The following RC3H2 variants were observed in gnomAD, a reference collection of about 807,000 sequenced individuals.
RC3H2 encodes ring finger and CCCH-type domains 2.
In RC3H2, 31 loss-of-function variants were observed where a neutral mutation model predicts 133.3. The ratio of observed to expected loss-of-function variants is 0.23; its 90% CI spans 0.17 to 0.31. RC3H2 has a LOEUF of 0.31. RC3H2 is among the 10% of genes least tolerant of loss of function. The pLI, the probability that RC3H2 is intolerant of heterozygous loss-of-function variation, is 1.00. For missense variants in RC3H2, 1,175 were observed against 1,437.2 expected (o/e 0.82, Z 2.95); for synonymous variants, 517 against 502.2 (o/e 1.03, Z -0.40).
chr9:122,876,778 T>C (rs985448857), intron 9 of RC3H2, among the ~76,000 whole-genome samples: 5 of 152,062 alleles, frequency 3.3e-5, no homozygotes, highest in Admixed American at 2.6e-4. Flanking sequence ...CATTAACTTT[T>C]AGGTCTCGGG....
chr9:122,894,224 A>G (rs993565261), intron 2 of RC3H2, among the ~76,000 whole-genome samples: 9 of 151,558 alleles, frequency 5.9e-5, no homozygotes, highest in Non-Finnish European at 2.9e-5. Flanking sequence ...GCGCCACTGC[A>G]CTCCAGCCTG....
chr9:122,893,041 A>AT lies in RC3H2; in HGVS notation c.232-16_232-15insA. On this transcript the variant is annotated splice_polypyrimidine_tract_variant and intron_variant, in intron 2 of 20. Transcript: ENST00000357244. ...TGATCTGGTACCTTAAAAAAAAAAA[A>AT]AAAGGAATATTGCAGAAATACATTC... 3 of 1,596,878 alleles carry AT rather than the reference A, an allele frequency of 1.9e-6. No individual in the cohort carries two copies. Among genetic ancestry groups the AT allele is most frequent in the Non-Finnish European group, 1.7e-6 (2 of 1,176,264 alleles).
At chr9:122,899,120 A>C in intron 1 of RC3H2, among the ~76,000 whole-genome samples, 1 of 96,168 alleles carries the variant, frequency 1.0e-5, no homozygotes, top group African/African-American at 4.5e-5. Context: ...TTTTTTTTTC[A>C]GAGACAGAGT....
At chr9:122,883,893 C>T (rs776523802) in intron 4 of RC3H2, among the ~76,000 whole-genome samples, 22 of 152,056 alleles carry the variant, frequency 1.4e-4, no homozygotes, top group Non-Finnish European at 2.2e-4. Flanking sequence ...ACTTTGGAGG[C>T]GGAAGTGGAG....
At chr9:122,853,066 TG>T (rs932979181) in intron 18 of RC3H2, among the ~76,000 whole-genome samples, 5 of 152,174 alleles carry the variant, frequency 3.3e-5, no homozygotes, top group Admixed American at 3.3e-4. Flanking sequence ...GGGATCCTGT[TG>T]ATCTGTGACC....
At chr9:122,868,839 ATGTGTGTGTGTG>A (rs36205979) in intron 9 of RC3H2, among the ~76,000 whole-genome samples, 2,591 of 118,840 alleles carry the variant, frequency 0.022, 74 homozygotes, top group Admixed American at 0.051. Flanking sequence ...TCCCTCCTAT[ATGTGTGTGTGTG>A]TGTGTGTGTG....
rs980207517 is a variant in RC3H2 at position 122,845,641 on chromosome 9, T to C, written c.*3986A>G. ...AAATGTGGGGTGTTTTGATCTGTGG[T>C]CTTGACGCCTTGTATTCCCTTGCCA... On this transcript the variant is annotated 3_prime_UTR_variant, in exon 21 of 21. Transcript: ENST00000357244. 1 of 152,174 alleles carries C rather than the reference T, an allele frequency of 6.6e-6. No homozygotes were observed. The highest frequency in any genetic ancestry group is 1.5e-5 in the Non-Finnish European group (1 of 68,024). 9.4% of individuals were successfully genotyped at this position (152,174 alleles called of 1,614,324 possible).
chr9:122,888,109 G>A (rs1021908341), intron 4 of RC3H2, among the ~76,000 whole-genome samples: 1 of 151,936 alleles, frequency 6.6e-6, no homozygotes, highest in African/African-American at 2.4e-5. Flanking sequence ...TTATTTGCTT[G>A]CTTGTTTTAT....
rs78781772 is a variant in RC3H2 at position 122,893,044 on chromosome 9, A to C, written c.232-18T>G. The C allele has an allele frequency of 8.3e-6, 13 of 1,560,310 alleles. No individual in the cohort carries two copies. The highest frequency in any genetic ancestry group is 1.1e-5 in the Non-Finnish European group (13 of 1,147,366). ...TCTGGTACCTTAAAAAAAAAAAAAA[A>C]GGAATATTGCAGAAATACATTCATC... On this transcript the variant is annotated intron_variant, in intron 2 of 20. Transcript: ENST00000357244.
intron 15 of RC3H2, 46 bp from the exon 16 acceptor site, chr9:122,854,661 A>G (rs1830174666): frequency 4.0e-6 from 5 of 1,252,046 alleles, no homozygotes; most frequent in African/African-American, 1.5e-5. Context: ...GTGAAAAATC[A>G]GTGTACTGAG....
intron 11 of RC3H2, 53 bp from the exon 12 acceptor site, chr9:122,859,155 T>C: frequency 7.2e-7 from 1 of 1,381,004 alleles, no homozygotes; most frequent in South Asian, 1.5e-5. Flanking sequence ...AATCCAACAT[T>C]TTATAATGGC....
In RC3H2 at chr9:122,860,027, C is replaced by A. The variant is rs1319568970; in HGVS notation, c.1739G>T (p.Ser580Ile). Residue 580 changes from serine to isoleucine, a missense_variant, in exon 11 of 21, where the codon AGC becomes ATC. Physicochemically the swap from Ser to Ile is moderately radical, Grantham distance 142. Transcript: ENST00000357244. ...TACTGGTACTCTAGTTAGAAATGGG[C>A]TGGATTTTTGAGGCACAGAATTCAG... Reference protein sequence around the residue: ...TELNSVPQKSSPFLTRVPVYP... With the variant: ...TELNSVPQKSIPFLTRVPVYP... 1 of 1,614,026 alleles carries A rather than the reference C, an allele frequency of 6.2e-7. No homozygotes were observed. Among genetic ancestry groups the A allele is most frequent in the Non-Finnish European group, 8.5e-7 (1 of 1,179,990 alleles).
intron 8 of RC3H2, among the ~76,000 whole-genome samples, chr9:122,878,071 A>G (rs868369833): frequency 2.6e-5 from 4 of 152,190 alleles, no homozygotes; most frequent in African/African-American, 9.7e-5. Flanking sequence ...GAGTTCATAC[A>G]ATGAGGCAGA....
chr9:122,865,524 CTGT>C lies in RC3H2; in HGVS notation c.1456_1458del (p.Thr486del), dbSNP rs1297481974. The C allele has an allele frequency of 1.2e-6, 2 of 1,614,146 alleles. No individual in the cohort carries two copies. Among genetic ancestry groups the C allele is most frequent in the Admixed American group, 3.3e-5 (2 of 60,024 alleles). ...CCGTTTGTACTTGGAACAATTTTCC[CTGT>C]TGTTTCAGTACTTCCTATGACAGAA... On this transcript the variant is annotated inframe_deletion, in exon 10 of 21. Coordinates refer to ENST00000357244, the MANE Select transcript of RC3H2 (RefSeq NM_001100588.3).
intron 4 of RC3H2, among the ~76,000 whole-genome samples, chr9:122,888,484 T>G (rs918616183): frequency 1.3e-5 from 2 of 152,168 alleles, no homozygotes; most frequent in African/African-American, 2.4e-5. Context: ...CTGGTATTAG[T>G]CTTCTATTTT....
Position 122,846,981 on chromosome 9 carries a change from A to G in RC3H2, c.*2646T>C, listed in dbSNP as rs1211077105. The G allele has an allele frequency of 3.3e-5, 5 of 152,202 alleles. No individual in the cohort carries two copies. The highest frequency in any genetic ancestry group is 7.4e-5 in the Non-Finnish European group (5 of 67,998). 9.4% of individuals were successfully genotyped at this position (152,202 alleles called of 1,614,324 possible). On this transcript the variant is annotated 3_prime_UTR_variant, in exon 21 of 21. Transcript: ENST00000357244. ...ACTACATAGAGAATGGATGCAACAC[A>G]GAATAATCTCAACACAGAAACAATT... is the stretch of plus-strand genomic sequence containing the variant.
Position 122,854,031 on chromosome 9 carries a change from T to C in RC3H2, c.3038A>G (p.Gln1013Arg). 1 of 1,614,202 alleles carries C rather than the reference T, an allele frequency of 6.2e-7. No individual in the cohort carries two copies. Among genetic ancestry groups the C allele is most frequent in the Non-Finnish European group, 8.5e-7 (1 of 1,180,046 alleles). Residue 1013 changes from glutamine (Q) to arginine (R), a missense_variant, in exon 18 of 21, where the codon CAG becomes CGG. Coordinates refer to ENST00000357244, the MANE Select transcript of RC3H2 (RefSeq NM_001100588.3). ...GCCTTCATCCAGGGAATTCCACTTC[T>C]GTTGCATGGCCAAAGCATTGGCCTC... Reference protein sequence around the residue: ...QREANALAMQQKWNSLDEGRH... With the variant: ...QREANALAMQRKWNSLDEGRH...
chr9:122,849,716 C>T lies in RC3H2; in HGVS notation c.3487G>A (p.Gly1163Ser). 2 of 1,609,922 alleles carry T rather than the reference C, an allele frequency of 1.2e-6. No homozygotes were observed. Among genetic ancestry groups the T allele is most frequent in the Non-Finnish European group, 8.5e-7 (1 of 1,178,112 alleles). Residue 1163 changes from glycine (G) to serine (S), a missense_variant, in exon 21 of 21, where the codon GGC (glycine) becomes AGC (serine). By Grantham distance (56) the Gly-to-Ser change is moderately conservative. Coordinates refer to ENST00000357244, the MANE Select transcript of RC3H2 (RefSeq NM_001100588.3). Reference protein sequence around the residue: ...CLPITTSVSAGNLILKTHVMS... With the variant: ...CLPITTSVSASNLILKTHVMS... ...ACATGAGTTTTCAGAATGAGGTTGC[C>T]AGCACTGACAGATGTGGTGATGGGG... is the stretch of plus-strand genomic sequence containing the variant.
chr9:122,854,127 A>G (rs1830155959), intron 17 of RC3H2, 41 bp from the exon 18 acceptor site: 2 of 1,612,068 alleles, frequency 1.2e-6, no homozygotes, highest in Non-Finnish European at 1.7e-6. Flanking sequence ...GCTTCCAACT[A>G]TAGCTTTCAA....
Sources: allele counts gnomAD v4.1 joint callset (sites outside exome capture counted in the v4.1 genomes callset), GRCh38; gene constraint gnomAD v4.1.1; transcripts MANE v1.5; gene names NCBI Gene and HGNC (gene_info 2026-07-23, HGNC 2026-07-21).